The following PHLPP2 variants were observed in gnomAD, a reference collection of about 807,000 sequenced individuals.
PHLPP2 encodes PH domain leucine-rich repeat-containing protein phosphatase 2.
PHLPP2 carries 66 observed loss-of-function variants against 124.9 expected under a neutral mutation model. The observed-to-expected ratio is 0.53, with a 90% CI of 0.43 to 0.65. The LOEUF (loss-of-function observed/expected upper bound fraction) is 0.65. PHLPP2 is among the 30% of genes least tolerant of loss of function. The pLI is 0.00. For synonymous variants in PHLPP2, 681 were observed against 624.7 expected (o/e 1.09, Z -1.34); for missense variants, 1,685 against 1,600.4 (o/e 1.05, Z -0.90).
chr16:71,693,837 T>TTCCAGATG (rs1427893013), intron 3 of PHLPP2, among the ~76,000 whole-genome samples: 1 of 152,218 alleles, frequency 6.6e-6, no homozygotes, highest in Non-Finnish European at 1.5e-5. Context: ...ATCTCTGATT[T>TTCCAGATG]TCCAGAGAAC....
In PHLPP2 at chr16:71,649,747, C is replaced by A. The variant is rs779777756; in HGVS notation, c.3115G>T (p.Gly1039Cys). The A allele has an allele frequency of 6.6e-5, 106 of 1,614,122 alleles. No individual in the cohort carries two copies. Among genetic ancestry groups the A allele is most frequent in the Non-Finnish European group, 8.3e-5 (98 of 1,180,050 alleles). ...AGCCCATTCATTTCACAAGTGCAGC[C>A]TTCCTCACCAATATTCAAATAAACT... The part of the protein sequence containing the change: ...MVVYLNIGEE[G>C]CTCEMNGLTL... Residue 1039 changes from glycine to cysteine, a missense_variant, in exon 19 of 19, where the codon GGC becomes TGC. Transcript: ENST00000568954.
intron 6 of PHLPP2, 93 bp from the exon 7 acceptor site, chr16:71,679,628 A>G: frequency 2.0e-6 from 2 of 1,009,034 alleles, no homozygotes; most frequent in Non-Finnish European, 3.0e-6. Flanking sequence ...TATCTATTTT[A>G]AATGTCTATA....
Position 71,681,745 on chromosome 16 carries a change from A to T in PHLPP2, c.890+6T>A. The stretch of plus-strand genomic sequence containing the variant: ...AGGTTAGTCTGGAAACCCATTCTCC[A>T]CATACTTGTAGAGTGTATCGAGGCC... On this transcript the variant is annotated splice_donor_region_variant and intron_variant, in intron 6 of 18. Coordinates refer to ENST00000568954, the MANE Select transcript of PHLPP2 (RefSeq NM_015020.3). 6.2e-7 allele frequency: 1 copy of T among 1,602,174 alleles called. No homozygotes were observed. Among genetic ancestry groups the T allele is most frequent in the South Asian group, 1.1e-5 (1 of 88,966 alleles).
chr16:71,652,521 A>G lies in PHLPP2; in HGVS notation c.2817+269T>C, dbSNP rs975419805. On this transcript the variant is annotated intron_variant, in intron 18 of 18. Transcript: ENST00000568954. ...GGAAATTAGCTAAGGCAGATATTTA[A>G]CATCCATCTTACAACCCAGCTATCA... 3.9e-5 allele frequency among the ~76,000 whole-genome samples: 6 copies of G among 152,262 alleles called. 1 individual carries two copies. In the South Asian group the frequency reaches 1.2e-3, roughly 31 times the overall value.
intron 3 of PHLPP2, among the ~76,000 whole-genome samples, chr16:71,694,042 CA>C (rs2045141778): frequency 6.6e-6 from 1 of 151,868 alleles, no homozygotes; most frequent in Non-Finnish European, 1.5e-5. Context: ...AAAAACACAA[CA>C]ATTAGCTGGG....
intron 18 of PHLPP2, among the ~76,000 whole-genome samples, chr16:71,651,119 C>T (rs2044692820): frequency 6.6e-6 from 1 of 152,112 alleles, no homozygotes; most frequent in Non-Finnish European, 1.5e-5. Context: ...GTGGACGGAT[C>T]ACCTGAGATG....
At chr16:71,723,800 C>T in intron 1 of PHLPP2, 1 of 1,303,558 alleles carries the variant, frequency 7.7e-7, no homozygotes, top group Non-Finnish European at 9.8e-7. Context: ...CGGCCGGCGG[C>T]TCGCGGGCGC....
intron 11 of PHLPP2, 111 bp from the exon 12 acceptor site, chr16:71,667,444 C>T (rs1029711179): frequency 8.2e-5 from 68 of 828,196 alleles, no homozygotes; most frequent in Middle Eastern, 3.5e-4. Flanking sequence ...AACATATTCT[C>T]CTAGATTGTA....
intron 12 of PHLPP2, chr16:71,666,034 T>C (rs532865561): frequency 1.3e-5 from 2 of 152,152 alleles, no homozygotes; most frequent in Non-Finnish European, 2.9e-5. Flanking sequence ...ATTTCTAAAT[T>C]GAAGACAATA....
In PHLPP2 at chr16:71,652,952, G is replaced by C. The variant is rs369298166; in HGVS notation, c.2655C>G (p.Ala885=). ...ALLCYIRPDT[A]DPASSFSLTV... is the part of the protein sequence containing the mutation. Reference sequence around the variant, plus strand: ...TCAAGCTAAAGCTACTTGCTGGATCGGCAGTGTCAGGGCGGATGTAGCACA... The same window carrying C: ...TCAAGCTAAAGCTACTTGCTGGATCCGCAGTGTCAGGGCGGATGTAGCACA... The change falls in exon 18 of 19, where the codon GCC becomes GCG. Residue 885 remains alanine, a synonymous_variant. Coordinates refer to ENST00000568954, the MANE Select transcript of PHLPP2 (RefSeq NM_015020.3). 6 of 1,614,034 alleles carry C rather than the reference G, an allele frequency of 3.7e-6. No individual in the cohort carries two copies. Among genetic ancestry groups the C allele is most frequent in the Non-Finnish European group, 4.2e-6 (5 of 1,180,014 alleles).
rs144739550 is a variant in PHLPP2 at position 71,711,317 on chromosome 16, G to A, written c.284+3195C>T. ...CTGCACTCCAGCCTGGGCAACAAGA[G>A]TGAAACTCCGTCTCAAAAAAAAAAA... is the stretch of plus-strand genomic sequence containing the variant. On this transcript the variant is annotated intron_variant, in intron 2 of 18. Coordinates refer to ENST00000568954, the MANE Select transcript of PHLPP2 (RefSeq NM_015020.3). Among the ~76,000 whole-genome samples the A allele has an allele frequency of 1.0e-3, 155 of 151,136 alleles. 3 individuals carry two copies. In the East Asian group the frequency reaches 0.029, roughly 28 times the overall value.
intron 1 of PHLPP2, chr16:71,723,499 T>A (rs1015193358): frequency 1.2e-5 from 2 of 160,880 alleles, no homozygotes; most frequent in African/African-American, 4.8e-5. Context: ...CCCAAAGGCG[T>A]GGGCCTGCGA....
At chr16:71,701,326 A>ATATAT (rs1168204075) in intron 3 of PHLPP2, among the ~76,000 whole-genome samples, 12 of 70 alleles carry the variant, frequency 0.17, no homozygotes, top group African/African-American at 0.1. Flanking sequence ...ATATCTATCT[A>ATATAT]CCTACCTACC....
intron 2 of PHLPP2, among the ~76,000 whole-genome samples, chr16:71,710,871 T>A (rs1335083545): frequency 1.3e-5 from 2 of 152,230 alleles, no homozygotes; most frequent in Non-Finnish European, 2.9e-5. Context: ...ATATCCTGCA[T>A]AGTAACTGTC....
chr16:71,709,058 G>T (rs1276557094), intron 2 of PHLPP2, among the ~76,000 whole-genome samples: 1 of 152,012 alleles, frequency 6.6e-6, no homozygotes, highest in Non-Finnish European at 1.5e-5. Flanking sequence ...GCTGATTTCA[G>T]AAGTTTTAAA....
chr16:71,652,863 G>C lies in PHLPP2; in HGVS notation c.2744C>G (p.Ser915Cys), dbSNP rs2044706686. The C allele has an allele frequency of 6.2e-7, 1 of 1,614,044 alleles. No individual in the cohort carries two copies. Among genetic ancestry groups the C allele is most frequent in the South Asian group, 1.1e-5 (1 of 91,092 alleles). The change falls in exon 18 of 19, where the codon TCT (serine) becomes TGT (cysteine). Residue 915 changes from serine to cysteine, a missense_variant. Physicochemically the swap from Ser to Cys is moderately radical, Grantham distance 112. Coordinates refer to ENST00000568954, the MANE Select transcript of PHLPP2 (RefSeq NM_015020.3). Reference sequence around the variant, plus strand: ...GTCCTGCTCCAGGCTGAAGACTTTAGAGAGGGGCACTGGCTTCCCACCTCG... The same window carrying C: ...GTCCTGCTCCAGGCTGAAGACTTTACAGAGGGGCACTGGCTTCCCACCTCG... ...LCRGGKPVPL[S>C]KVFSLEQDPE...
At position 71,672,202 on chromosome 16, in the gene PHLPP2, A is replaced by AATCCAC. The variant is rs558705529; in HGVS notation, c.1532+54_1532+59dup. On this transcript the variant is annotated intron_variant, in intron 10 of 18. Coordinates refer to ENST00000568954, the MANE Select transcript of PHLPP2 (RefSeq NM_015020.3). ...TTCTTGTACATCAAAACTGCCAAAA[A>AATCCAC]ATCCACATGTATCTCTTAAATAGTA... 743 of 1,290,784 alleles carry AATCCAC rather than the reference A, an allele frequency of 5.8e-4. 4 individuals carry two copies. In the African/African-American group the frequency reaches 7.2e-3, roughly 13 times the overall value. 80.0% of individuals were successfully genotyped at this position (1,290,784 alleles called of 1,614,324 possible). A position where few individuals can be genotyped will look rare whatever the true frequency, so the allele number is the denominator to read the frequency against.
chr16:71,663,901 T>A lies in PHLPP2; in HGVS notation c.1983A>T (p.Ala661=), dbSNP rs781145927. ...ATCAAAGTTTGCATTCATTTTACCT[T>A]GCAGGAAAGGTCTGTAACTGATTGT... ...LANNQLQTFP[A]SKLNKLEQLE... The change falls in exon 13 of 19, where the codon GCA becomes GCT. Residue 661 remains alanine (A), a splice_region_variant and synonymous_variant. Coordinates refer to ENST00000568954, the MANE Select transcript of PHLPP2 (RefSeq NM_015020.3). 6.2e-7 allele frequency: 1 copy of A among 1,611,964 alleles called. No individual in the cohort carries two copies. The highest frequency in any genetic ancestry group is 8.5e-7 in the Non-Finnish European group (1 of 1,177,974).
At chr16:71,716,060 T>C (rs763253394) in intron 1 of PHLPP2, among the ~76,000 whole-genome samples, 6 of 152,146 alleles carry the variant, frequency 3.9e-5, no homozygotes, top group Non-Finnish European at 7.4e-5. Context: ...AAACTTCATC[T>C]AATCCTTAAC....
Sources: allele counts gnomAD v4.1 joint callset (sites outside exome capture counted in the v4.1 genomes callset), GRCh38; gene constraint gnomAD v4.1.1; transcripts MANE v1.5; gene names NCBI Gene and HGNC (gene_info 2026-07-23, HGNC 2026-07-21).